Variants in INTS6L observed in about 807,000 individuals in gnomAD.
INTS6L encodes integrator complex subunit 6 like.
INTS6L carries 18 observed loss-of-function variants against 64.7 expected under a neutral mutation model. The observed-to-expected ratio is 0.28, with a 90% CI of 0.19 to 0.41. INTS6L has a LOEUF of 0.41. INTS6L is among the 10% of genes least tolerant of loss of function. The pLI is 1.00. For missense variants in INTS6L, 533 were observed against 661.0 expected, an observed-to-expected ratio of 0.81 and a Z score of 2.12; for synonymous variants, 227 against 235.9, an observed-to-expected ratio of 0.96 and a Z score of 0.34.
chrX:135,560,580 C>G (rs1556521683), intron 9 of INTS6L, among the ~76,000 whole-genome samples: 1 of 111,936 alleles, frequency 8.9e-6, no homozygotes, highest in African/African-American at 3.2e-5. Flanking sequence ...CGGTGGCTCA[C>G]GCCTGTAATC....
chrX:135,561,574 G>C (rs941568435), intron 9 of INTS6L, among the ~76,000 whole-genome samples: 1 of 112,081 alleles, frequency 8.9e-6, no homozygotes, highest in African/African-American at 3.2e-5. Context: ...CTCCTATTCT[G>C]TTTTCTGGAA....
intron 7 of INTS6L, among the ~76,000 whole-genome samples, chrX:135,550,456 G>T (rs1556516671): frequency 9.5e-6 from 1 of 104,738 alleles, no homozygotes; most frequent in African/African-American, 3.5e-5. Flanking sequence ...TGGAGGGAGG[G>T]CAGTGTCTAG....
At chrX:135,526,895 C>A (rs1200331983) in intron 2 of INTS6L, among the ~76,000 whole-genome samples, 5 of 111,982 alleles carry the variant, frequency 4.5e-5, no homozygotes, top group Non-Finnish European at 9.4e-5. Flanking sequence ...ATAGAGTAAT[C>A]ACTATTAACA....
rs781894031 is a variant in INTS6L at position 135,529,034 on chromosome X, T to C, written c.189+7716T>C. On this transcript the variant is annotated intron_variant, in intron 2 of 17. Transcript: ENST00000639893. Reference sequence around the variant, plus strand: ...TGGTTGCTTAGTCTTTTGGATGCAGTTGGTGATCCAACTGGTTGGGTTAGA... The same window carrying C: ...TGGTTGCTTAGTCTTTTGGATGCAGCTGGTGATCCAACTGGTTGGGTTAGA... Among the ~76,000 whole-genome samples, 58 of 111,736 alleles carry C rather than the reference T, an allele frequency of 5.2e-4. 1 individual carries two copies. The highest frequency in any genetic ancestry group is 4.1e-3 in the Admixed American group (43 of 10,520).
At chrX:135,521,453 G>A (rs192219115) in intron 2 of INTS6L, 135 bp downstream of exon 2, 18,690 of 624,379 alleles carry the variant, frequency 0.03, 359 homozygotes, top group South Asian at 0.12. Flanking sequence ...GCAGAGGGCG[G>A]GCGGAGTGGT....
Position 135,556,218 on chromosome X carries a change from T to C in INTS6L, c.1110T>C (p.Gly370=). Residue 370 remains glycine, a synonymous_variant, in exon 9 of 18, where the codon GGT becomes GGC. Coordinates refer to ENST00000639893, the MANE Select transcript of INTS6L (RefSeq NM_001351601.3). ...ACAATGAACTTGGATATCCATTTGG[T>C]TATTTAAAAGCCAGTACAACTTTAA... The part of the protein sequence containing the change: ...GKYNELGYPF[G]YLKASTTLTC... The C allele has an allele frequency of 8.3e-7, 1 of 1,202,605 alleles. No individual in the cohort carries two copies. Among genetic ancestry groups the C allele is most frequent in the South Asian group, 1.8e-5 (1 of 54,879 alleles).
Position 135,547,118 on chromosome X carries a change from A to AT in INTS6L, c.614-14dup. ...ATATTTGATCAAACTTGTGCTATTT[A>AT]TTTTTCCTTCTGGGATAGGTCGCTC... On this transcript the variant is annotated intron_variant, in intron 5 of 17. Coordinates refer to ENST00000639893, the MANE Select transcript of INTS6L (RefSeq NM_001351601.3). 1 of 1,201,376 alleles carries AT rather than the reference A, an allele frequency of 8.3e-7. No individual in the cohort carries two copies. Among genetic ancestry groups the AT allele is most frequent in the African/African-American group, 1.8e-5 (1 of 56,989 alleles).
chrX:135,533,595 A>G (rs782198630), intron 2 of INTS6L, among the ~76,000 whole-genome samples: 3 of 103,771 alleles, frequency 2.9e-5, no homozygotes, highest in South Asian at 4.4e-4. Flanking sequence ...GGTTCCCCCC[A>G]TGTGCCCATG....
chrX:135,552,621 C>T (rs1323046990), intron 8 of INTS6L, among the ~76,000 whole-genome samples: 1 of 112,084 alleles, frequency 8.9e-6, no homozygotes, highest in Non-Finnish European at 1.9e-5. Context: ...ACAAATCACA[C>T]TAAAAAATGT....
Position 135,527,258 on chromosome X carries a change from A to G in INTS6L, c.189+5940A>G, listed in dbSNP as rs144616118. ...ATCAAAATGGTGTTTCCAAAAGACA[A>G]GTGTAACAGTGGGTTGACACTACGG... On this transcript the variant is annotated intron_variant, in intron 2 of 17. Coordinates refer to ENST00000639893, the MANE Select transcript of INTS6L (RefSeq NM_001351601.3). Among the ~76,000 whole-genome samples the G allele has an allele frequency of 7.4e-3, 827 of 112,247 alleles. 11 individuals are homozygous for G. The highest frequency in any genetic ancestry group is 0.025 in the African/African-American group (786 of 30,866).
chrX:135,573,608 C>T (rs1301510244), intron 12 of INTS6L, among the ~76,000 whole-genome samples: 1 of 112,734 alleles, frequency 8.9e-6, no homozygotes, highest in Non-Finnish European at 1.9e-5. Context: ...GAAGGGAGAT[C>T]CCAGCAGCTC....
chrX:135,545,461 A>G lies in INTS6L; in HGVS notation c.228A>G (p.Glu76=), dbSNP rs374719028. The change falls in exon 3 of 18, where the codon GAA becomes GAG. Residue 76 remains glutamate, a synonymous_variant. Coordinates refer to ENST00000639893, the MANE Select transcript of INTS6L (RefSeq NM_001351601.3). ...AAAATCATGCAACATTCATGAGCGA[A>G]CTAAAAAATCTTCAGGCTTCTGGAC... ...WKENHATFMS[E]LKNLQASGLT... The G allele has an allele frequency of 1.1e-5, 13 of 1,208,022 alleles. No homozygotes were observed. The African/African-American group carries it at 2.1e-4, about 20-fold the overall frequency.
intron 2 of INTS6L, among the ~76,000 whole-genome samples, chrX:135,536,950 C>G (rs1251380814): frequency 2.7e-5 from 3 of 111,816 alleles, no homozygotes; most frequent in African/African-American, 9.8e-5. Flanking sequence ...CAGACCTACC[C>G]TATGGGTCTG....
At chrX:135,549,062 C>T (rs1456198001) in intron 6 of INTS6L, among the ~76,000 whole-genome samples, 1 of 112,180 alleles carries the variant, frequency 8.9e-6, no homozygotes, top group Non-Finnish European at 1.9e-5. Flanking sequence ...GTGCTCCCCT[C>T]AACTATATAC....
At chrX:135,574,213 A>T in intron 13 of INTS6L, 151 bp downstream of exon 13, 1 of 680,371 alleles carries the variant, frequency 1.5e-6, no homozygotes, top group Non-Finnish European at 2.0e-6. Context: ...TCTGTTTACC[A>T]GGCACATTTT....
intron 2 of INTS6L, among the ~76,000 whole-genome samples, chrX:135,538,321 A>G (rs1289773144): frequency 4.4e-5 from 5 of 112,569 alleles, no homozygotes; most frequent in African/African-American, 1.6e-4. Flanking sequence ...AGTAGATTCC[A>G]TCTCAGGAAA....
At chrX:135,541,748 G>A (rs1556512934) in intron 2 of INTS6L, among the ~76,000 whole-genome samples, 1 of 112,219 alleles carries the variant, frequency 8.9e-6, no homozygotes, top group African/African-American at 3.2e-5. Context: ...CAGGAGTGAA[G>A]GTTTTTACTA....
At chrX:135,546,635 C>G in intron 4 of INTS6L, 67 bp from the exon 5 acceptor site, 1 of 1,115,502 alleles carries the variant, frequency 9.0e-7, no homozygotes, top group South Asian at 2.2e-5. Flanking sequence ...AAAGTCAACC[C>G]TTTAATTCTT....
chrX:135,558,720 A>G (rs1485716765), intron 9 of INTS6L, among the ~76,000 whole-genome samples: 1 of 111,450 alleles, frequency 9.0e-6, no homozygotes, highest in African/African-American at 3.3e-5. Flanking sequence ...ACTGGACTGT[A>G]CAGTTAAAAA....
Sources: gnomAD v4.1 joint callset for allele counts (sites outside exome capture counted in the v4.1 genomes callset) on GRCh38, gnomAD v4.1.1 for gene constraint, MANE v1.5 for transcripts, NCBI Gene and HGNC (gene_info 2026-07-23, HGNC 2026-07-21) for gene names.